The following ANK3 variants were observed in gnomAD, a reference collection of about 807,000 sequenced individuals.
The protein encoded by ANK3 is ankyrin-3.
A neutral mutation model predicts 370.9 loss-of-function variants in ANK3; 57 were observed. The observed-to-expected ratio is 0.15, with a 90% CI of 0.12 to 0.19. The LOEUF (loss-of-function observed/expected upper bound fraction) is 0.19, where lower values mean the gene tolerates loss of function less well. ANK3 is among the 10% of genes least tolerant of loss of function. ANK3 has a pLI of 1.00. For missense variants in ANK3, 4,439 were observed against 5,302.1 expected, an observed-to-expected ratio of 0.84 and a Z score of 5.06; for synonymous variants, 1,929 against 1,946.3, an observed-to-expected ratio of 0.99 and a Z score of 0.23.
At chr10:60,465,302 G>T (rs901673246) in intron 2 of ANK3, among the ~76,000 whole-genome samples, 5 of 151,842 alleles carry the variant, frequency 3.3e-5, no homozygotes, top group Admixed American at 6.6e-5. Flanking sequence ...AAAAGAGAGA[G>T]AAGTTCTTCA....
intron 2 of ANK3, among the ~76,000 whole-genome samples, chr10:60,451,122 A>G (rs551873785): frequency 4.6e-5 from 7 of 152,312 alleles, no homozygotes; most frequent in African/African-American, 1.7e-4. Context: ...GGAGTGATGC[A>G]TCTGCAAGCC....
intron 1 of ANK3, among the ~76,000 whole-genome samples, chr10:60,683,638 A>G (rs1337565831): frequency 6.6e-6 from 1 of 152,158 alleles, no homozygotes; most frequent in Admixed American, 6.6e-5. Context: ...AATCCACCTG[A>G]TTGCTCTCCT....
intron 2 of ANK3, among the ~76,000 whole-genome samples, chr10:60,450,465 C>A (rs1484278187): frequency 2.6e-5 from 4 of 152,018 alleles, no homozygotes; most frequent in Non-Finnish European, 5.9e-5. Context: ...CTCCAGCACA[C>A]CCCTGGAAAA....
intron 1 of ANK3, among the ~76,000 whole-genome samples, chr10:60,339,267 A>G (rs1449883138): frequency 3.3e-5 from 5 of 152,184 alleles, no homozygotes; most frequent in African/African-American, 1.2e-4. Flanking sequence ...TGGATTGTGG[A>G]ATAAAATTAA....
chr10:60,258,499 C>T (rs1396338511), intron 7 of ANK3, among the ~76,000 whole-genome samples: 1 of 152,210 alleles, frequency 6.6e-6, no homozygotes. Context: ...TATACATTCA[C>T]CACTGACTGG....
At chr10:60,572,489 A>C in intron 2 of ANK3, 1 of 1,535,824 alleles carries the variant, frequency 6.5e-7, no homozygotes, top group African/African-American at 1.4e-5. Context: ...TTTTCCTATG[A>C]GCAGGTTTTG....
chr10:60,322,397 C>T (rs1231068573), intron 1 of ANK3, among the ~76,000 whole-genome samples: 1 of 151,884 alleles, frequency 6.6e-6, no homozygotes, highest in South Asian at 2.1e-4. Flanking sequence ...ATGTCTTCAC[C>T]AACTTCAGCT....
In ANK3 at chr10:60,124,853, T is replaced by A. The variant is rs867282044; in HGVS notation, c.2841+9418A>T. ...AGCTAAACACTCCTCACAGCCCTAG[T>A]CTCCTCGTCTGTAAAGTGGTAATCA... On this transcript the variant is annotated intron_variant, in intron 25 of 43. Transcript: ENST00000280772. Among the ~76,000 whole-genome samples the A allele has an allele frequency of 5.5e-4, 83 of 152,234 alleles. 1 individual carries two copies. The highest frequency in any genetic ancestry group is 1.9e-3 in the African/African-American group (81 of 41,562).
chr10:60,562,481 T>A (rs1386315989), intron 2 of ANK3, among the ~76,000 whole-genome samples: 3 of 152,158 alleles, frequency 2.0e-5, no homozygotes, highest in Non-Finnish European at 4.4e-5. Context: ...TGGCGTGATC[T>A]TGGCTCACTG....
At chr10:60,304,859 C>T (rs551257916) in intron 1 of ANK3, among the ~76,000 whole-genome samples, 20 of 152,246 alleles carry the variant, frequency 1.3e-4, no homozygotes, top group African/African-American at 4.6e-4. Context: ...TATACAATCA[C>T]CATGCACAGG....
chr10:60,252,799 A>G (rs955751634), intron 7 of ANK3, among the ~76,000 whole-genome samples: 1 of 152,144 alleles, frequency 6.6e-6, no homozygotes, highest in Non-Finnish European at 1.5e-5. Context: ...CTACTTCTGG[A>G]TGTACTTTAG....
intron 1 of ANK3, among the ~76,000 whole-genome samples, chr10:60,373,047 A>G (rs568183490): frequency 6.6e-6 from 1 of 152,348 alleles, no homozygotes; most frequent in South Asian, 2.1e-4. Context: ...CATCTCCATC[A>G]TATGAATTTG....
intron 2 of ANK3, among the ~76,000 whole-genome samples, chr10:60,610,296 G>A (rs538099865): frequency 6.6e-6 from 1 of 152,198 alleles, no homozygotes; most frequent in Admixed American, 6.5e-5. Context: ...CAGATCACCT[G>A]GGGTCAGGAG....
intron 2 of ANK3, among the ~76,000 whole-genome samples, chr10:60,512,202 A>C (rs1440105328): frequency 6.6e-6 from 1 of 152,150 alleles, no homozygotes; most frequent in Non-Finnish European, 1.5e-5. Context: ...AAATAAAACA[A>C]AACAAAAACC....
intron 2 of ANK3, among the ~76,000 whole-genome samples, chr10:60,395,596 C>CTT (rs1330591385): frequency 2.1e-4 from 26 of 123,962 alleles, no homozygotes; most frequent in African/African-American, 8.7e-4. Flanking sequence ...TTCTTTCTTT[C>CTT]TTTCTTTCTT....
chr10:60,329,125 A>G lies in ANK3; in HGVS notation c.115-49486T>C, dbSNP rs996321777. On this transcript the variant is annotated intron_variant, in intron 1 of 43. Transcript: ENST00000280772. ...CTCTTAATGAATTAGGTATTGATGG[A>G]ACATATATCAAACTAATAAGAGCTA... is the stretch of plus-strand genomic sequence containing the variant. Among the ~76,000 whole-genome samples the G allele has an allele frequency of 2.2e-4, 33 of 152,300 alleles. 1 individual carries two copies. Among genetic ancestry groups the G allele is most frequent in the Middle Eastern group, 6.8e-3 (2 of 294 alleles).
intron 1 of ANK3, among the ~76,000 whole-genome samples, chr10:60,689,480 G>T (rs1465111082): frequency 6.6e-6 from 1 of 152,102 alleles, no homozygotes; most frequent in African/African-American, 2.4e-5. Flanking sequence ...GGCTGGGTGC[G>T]GTGGCTCAGG....
rs540348859 is a variant in ANK3 at position 60,675,481 on chromosome 10, A to G, written c.57+57782T>C. ...TTTGTCTTCTAAATTTGTGCAAAAG[A>G]TAGTATAGATCTGTGTTTCTCTGAG... On this transcript the variant is annotated intron_variant, in intron 1 of 43. Coordinates refer to the ANK3 transcript ENST00000373827. Among the ~76,000 whole-genome samples, 69 of 152,338 alleles carry G rather than the reference A, an allele frequency of 4.5e-4. No individual in the cohort carries two copies. In the South Asian group the frequency reaches 0.014, roughly 31 times the overall value.
At chr10:60,262,095 G>C (rs113729078) in intron 6 of ANK3, 138 bp from the exon 7 acceptor site, 1 of 679,206 alleles carries the variant, frequency 1.5e-6, no homozygotes, top group East Asian at 2.8e-5. Flanking sequence ...ACTAGGTTTC[G>C]ATCAGTGCCA....
Sources: gnomAD v4.1 joint callset for allele counts (sites outside exome capture counted in the v4.1 genomes callset) on GRCh38, gnomAD v4.1.1 for gene constraint, MANE v1.5 for transcripts, NCBI Gene and HGNC (gene_info 2026-07-23, HGNC 2026-07-21) for gene names.